Variants in PIP5K1C observed in about 807,000 individuals in gnomAD.
PIP5K1C encodes phosphatidylinositol-4-phosphate 5-kinase type 1 gamma.
PIP5K1C carries 45 observed loss-of-function variants against 80.1 expected under a neutral mutation model. The ratio of observed to expected loss-of-function variants is 0.56; its 90% CI spans 0.44 to 0.72. PIP5K1C has a LOEUF of 0.72. PIP5K1C is among the 30% of genes least tolerant of loss of function. The probability of loss-of-function intolerance (pLI) is 0.00; values close to 1 mark genes in which losing one functional copy is unlikely to be tolerated. For synonymous variants in PIP5K1C, 498 were observed against 420.1 expected (o/e 1.19, Z -2.27); for missense variants, 753 against 954.6 (o/e 0.79, Z 2.78).
chr19:3,641,441 C>G (rs1177784888), intron 15 of PIP5K1C, among the ~76,000 whole-genome samples: 2 of 152,148 alleles, frequency 1.3e-5, no homozygotes, highest in Non-Finnish European at 2.9e-5. Flanking sequence ...CTGGCCTCCA[C>G]CCACTCCATG....
At position 3,661,000 on chromosome 19, in the gene PIP5K1C, C is replaced by T; in HGVS notation, c.434G>A (p.Arg145Gln). 2 of 1,613,904 alleles carry T rather than the reference C, an allele frequency of 1.2e-6. No homozygotes were observed. Among genetic ancestry groups the T allele is most frequent in the Non-Finnish European group, 1.7e-6 (2 of 1,179,904 alleles). Residue 145 changes from arginine (R) to glutamine (Q), a missense_variant, in exon 5 of 18, where the codon CGG (arginine) becomes CAG (glutamine). Arg to Gln is a conservative substitution (Grantham distance 43, BLOSUM62 1). Coordinates refer to ENST00000335312, the MANE Select transcript of PIP5K1C (RefSeq NM_012398.3). ...ATCTGGCCGGATCCCAAAGAGCTCC[C>T]GGAAGTAGCGGAAGGCGACAGGTGC... ...TYAPVAFRYF[R>Q]ELFGIRPDDY...
At chr19:3,690,966 C>G (rs2035930665) in intron 1 of PIP5K1C, among the ~76,000 whole-genome samples, 1 of 152,040 alleles carries the variant, frequency 6.6e-6, no homozygotes, top group African/African-American at 2.4e-5. Context: ...ACCCCGTCTC[C>G]CTGGTGGGGA....
chr19:3,646,938 TCA>T (rs1482871667), intron 10 of PIP5K1C, among the ~76,000 whole-genome samples: 1 of 144,196 alleles, frequency 6.9e-6, no homozygotes, highest in Admixed American at 6.9e-5. Context: ...GTGCAGGCAC[TCA>T]CAGAGGGAGG....
intron 1 of PIP5K1C, among the ~76,000 whole-genome samples, chr19:3,686,437 G>A (rs1389986431): frequency 6.6e-6 from 1 of 151,112 alleles, no homozygotes; most frequent in African/African-American, 2.4e-5. Context: ...TAAAAATAAA[G>A]GCTGGGTGCA....
intron 14 of PIP5K1C, 45 bp downstream of exon 14, chr19:3,642,862 G>A (rs201011184): frequency 8.4e-6 from 13 of 1,543,592 alleles, no homozygotes; most frequent in African/African-American, 2.7e-5. Flanking sequence ...GAGCTGTGCA[G>A]GAGGAGCTGG....
At position 3,672,656 on chromosome 19, in the gene PIP5K1C, G is replaced by C. The variant is rs1204887804; in HGVS notation, c.95-5303C>G. 4 of 150,782 alleles carry C rather than the reference G, an allele frequency of 2.7e-5. No homozygotes were observed. In the East Asian group the frequency reaches 7.7e-4, roughly 29 times the overall value. 9.3% of individuals were successfully genotyped at this position (150,782 alleles called of 1,614,324 possible). A position where few individuals can be genotyped will look rare whatever the true frequency, so the allele number is the denominator to read the frequency against. ...AGAGGTCTGGACAGGTGGCCAGAGGGAGGGAGGCATCACAGTGAGAGGAAA... is the reference window on the plus strand; with the variant it reads ...AGAGGTCTGGACAGGTGGCCAGAGGCAGGGAGGCATCACAGTGAGAGGAAA... On this transcript the variant is annotated intron_variant, in intron 1 of 17. Transcript: ENST00000335312.
At chr19:3,693,688 G>A (rs907751331) in intron 1 of PIP5K1C, among the ~76,000 whole-genome samples, 4 of 150,408 alleles carry the variant, frequency 2.7e-5, no homozygotes, top group African/African-American at 9.9e-5. Flanking sequence ...CAAAGACCCA[G>A]GTCGTGCAGC....
rs2035400391 is a variant in PIP5K1C, at chr19:3,677,592, G to A, written c.95-10239C>T. 4.0e-5 allele frequency among the ~76,000 whole-genome samples: 6 copies of A among 150,792 alleles called. No homozygotes were observed. In the Admixed American group the frequency reaches 4.0e-4, roughly 10 times the overall value. On this transcript the variant is annotated intron_variant, in intron 1 of 17. Transcript: ENST00000335312. ...AGTGAGACTCCCTCTCAAAAAAAAAGAGACAGTGAGTCCAGTTCAAGATGC... is the reference window on the plus strand; with the variant it reads ...AGTGAGACTCCCTCTCAAAAAAAAAAAGACAGTGAGTCCAGTTCAAGATGC...
intron 6 of PIP5K1C, among the ~76,000 whole-genome samples, chr19:3,655,185 G>A (rs771898098): frequency 4.0e-5 from 6 of 149,764 alleles, no homozygotes; most frequent in East Asian, 2.0e-4. Flanking sequence ...CCAGGAGGCC[G>A]AGACAGGCAG....
chr19:3,642,523 C>T (rs572818048), intron 14 of PIP5K1C, among the ~76,000 whole-genome samples: 17 of 152,326 alleles, frequency 1.1e-4, no homozygotes, highest in African/African-American at 4.1e-4. Context: ...GCCTGGTGCA[C>T]GTCTGCTGTG....
chr19:3,643,329 T>C lies in PIP5K1C; in HGVS notation c.1563A>G (p.Thr521=). 1 of 1,613,912 alleles carries C rather than the reference T, an allele frequency of 6.2e-7. No individual in the cohort carries two copies. Among genetic ancestry groups the C allele is most frequent in the Non-Finnish European group, 8.5e-7 (1 of 1,179,952 alleles). The stretch of plus-strand genomic sequence containing the variant: ...ATGACAGAGTCGTGGCAATGGAGGC[T>C]GTAGTGGCTTCTTCGAAAGAAGGTG... ...CTPPSFEEAT[T]ASIATTLSST... is the part of the protein sequence containing the mutation. The change falls in exon 13 of 18, where the codon ACA becomes ACG. Residue 521 remains threonine (T), a synonymous_variant. Transcript: ENST00000335312.
chr19:3,641,558 C>A (rs2033960810), intron 15 of PIP5K1C, 147 bp downstream of exon 15: 3 of 692,080 alleles, frequency 4.3e-6, no homozygotes, highest in South Asian at 1.6e-5. Flanking sequence ...TCCCTTCAAT[C>A]AAAAAATAAA....
At chr19:3,677,656 T>C (rs368386618) in intron 1 of PIP5K1C, among the ~76,000 whole-genome samples, 5 of 144,998 alleles carry the variant, frequency 3.4e-5, no homozygotes, top group African/African-American at 1.3e-4. Flanking sequence ...GGTGCTGAGG[T>C]CTGCAACTTT....
intron 1 of PIP5K1C, among the ~76,000 whole-genome samples, chr19:3,685,069 A>G (rs1341957847): frequency 6.6e-6 from 1 of 152,222 alleles, no homozygotes; most frequent in Non-Finnish European, 1.5e-5. Context: ...CTCAACTTGT[A>G]AAACAGGCAG....
At chr19:3,651,702 T>C in intron 8 of PIP5K1C, 124 bp downstream of exon 8, 3 of 969,358 alleles carry the variant, frequency 3.1e-6, no homozygotes, top group Non-Finnish European at 4.8e-6. Context: ...CCAGACTCTG[T>C]CTGTCACCCA....
intron 1 of PIP5K1C, among the ~76,000 whole-genome samples, chr19:3,680,050 G>C (rs779713947): frequency 1.3e-5 from 2 of 152,242 alleles, no homozygotes; most frequent in African/African-American, 4.8e-5. Context: ...ACGTGGCAAA[G>C]GCCTGAAGCC....
rs75897162 is a variant in PIP5K1C at position 3,696,372 on chromosome 19, C to T, written c.94+3925G>A. Among the ~76,000 whole-genome samples, 321 of 152,318 alleles carry T rather than the reference C, an allele frequency of 2.1e-3. 2 individuals are homozygous for T. The highest frequency in any genetic ancestry group is 7.0e-3 in the African/African-American group (292 of 41,560). On this transcript the variant is annotated intron_variant, in intron 1 of 17. Transcript: ENST00000335312. This position sits in a 1 kb window ranked among gnomAD's most constrained non-coding sequence, Gnocchi z 4.1. ...ACGGTCTTGGCCCTCGTGGAGCTCT[C>T]GCTCAGGAGGAGATGGTCAGAAAAC... is the stretch of plus-strand genomic sequence containing the variant.
At chr19:3,664,442 T>C (rs2034940138) in intron 3 of PIP5K1C, among the ~76,000 whole-genome samples, 1 of 152,172 alleles carries the variant, frequency 6.6e-6, no homozygotes, top group African/African-American at 2.4e-5. Context: ...TCAGGCTTCC[T>C]ACCAACACGG....
intron 1 of PIP5K1C, among the ~76,000 whole-genome samples, chr19:3,685,401 T>G (rs1279168242): frequency 6.6e-6 from 1 of 152,160 alleles, no homozygotes; most frequent in South Asian, 2.1e-4. Flanking sequence ...GGGGCTGGTA[T>G]ACCACAGTCC....
Sources: gnomAD v4.1 joint callset for allele counts (sites outside exome capture counted in the v4.1 genomes callset) on GRCh38, gnomAD v4.1.1 for gene constraint, Gnocchi (gnomAD v3.1) non-coding constraint, MANE v1.5 for transcripts, NCBI Gene and HGNC (gene_info 2026-07-23, HGNC 2026-07-21) for gene names.